The following HEMK2 variants were observed in gnomAD, a reference collection of about 807,000 sequenced individuals.
HEMK2 encodes the protein methyltransferase HEMK2.
the HEMK2 span, among the ~76,000 whole-genome samples, chr21:28,703,331 A>C: frequency 6.6e-6 from 1 of 151,070 alleles, no homozygotes; most frequent in Non-Finnish European, 1.5e-5. Context: ...TAAAAAAAAA[A>C]GGTGGGGGAA....
the HEMK2 span, among the ~76,000 whole-genome samples, chr21:28,631,989 A>G: frequency 6.6e-6 from 1 of 152,206 alleles, no homozygotes; most frequent in Non-Finnish European, 1.5e-5. Context: ...CAGTAAACAC[A>G]ATCAAGTGGA....
chr21:28,759,781 T>C, the HEMK2 span, among the ~76,000 whole-genome samples: 249 of 152,302 alleles, frequency 1.6e-3, 1 homozygote, highest in Admixed American at 0.014. Flanking sequence ...TTCTCTCTTG[T>C]CTGCCACCAT....
chr21:28,877,410 G>A, the HEMK2 span, among the ~76,000 whole-genome samples: 6 of 147,534 alleles, frequency 4.1e-5, no homozygotes, highest in Admixed American at 6.8e-5. Context: ...AGAAAAAAAA[G>A]AAGGAAGGAA....
chr21:28,779,634 G>C, the HEMK2 span, among the ~76,000 whole-genome samples: 1 of 152,070 alleles, frequency 6.6e-6, no homozygotes, highest in East Asian at 1.9e-4. Context: ...ACATATAATG[G>C]GTAAGTGAGA....
the HEMK2 span, among the ~76,000 whole-genome samples, chr21:28,845,686 A>C: frequency 3.4e-5 from 5 of 147,024 alleles, no homozygotes; most frequent in African/African-American, 1.3e-4. Flanking sequence ...TGTAAGTAGA[A>C]ATTTTTTTCT....
chr21:28,711,077 T>C, the HEMK2 span, among the ~76,000 whole-genome samples: 1 of 152,182 alleles, frequency 6.6e-6, no homozygotes, highest in East Asian at 1.9e-4. Flanking sequence ...ATCCTGATTT[T>C]TAATATGTTC....
At chr21:28,883,467 T>A in the HEMK2 span, among the ~76,000 whole-genome samples, 3 of 152,186 alleles carry the variant, frequency 2.0e-5, no homozygotes, top group Non-Finnish European at 2.9e-5. Context: ...TTACAAAATT[T>A]ATTTTTGAAA....
the HEMK2 span, among the ~76,000 whole-genome samples, chr21:28,751,156 G>A: frequency 0.094 from 14,204 of 151,212 alleles, 931 homozygotes; most frequent in East Asian, 0.3. Flanking sequence ...GTGTGAACCC[G>A]GGAGGCGGAG....
the HEMK2 span, among the ~76,000 whole-genome samples, chr21:28,799,286 G>T: frequency 6.6e-6 from 1 of 152,288 alleles, no homozygotes; most frequent in Non-Finnish European, 1.5e-5. Context: ...CAAGAGAAGA[G>T]AGCTTCTGCA....
At chr21:28,728,657 G>A in the HEMK2 span, among the ~76,000 whole-genome samples, 1 of 152,178 alleles carries the variant, frequency 6.6e-6, no homozygotes, top group South Asian at 2.1e-4. Context: ...ATTTTGGTGA[G>A]CCTAATGATT....
chr21:28,647,809 C>T, the HEMK2 span, among the ~76,000 whole-genome samples: 4 of 152,208 alleles, frequency 2.6e-5, no homozygotes, highest in South Asian at 2.1e-4. Flanking sequence ...CTCCTTTCCA[C>T]TCAGGCTTGG....
chr21:28,705,884 G>A, the HEMK2 span, among the ~76,000 whole-genome samples: 3 of 152,138 alleles, frequency 2.0e-5, no homozygotes, highest in African/African-American at 7.2e-5. Context: ...GCAATTCTCT[G>A]ACCATTCTGT....
chr21:28,757,552 T>C, the HEMK2 span, among the ~76,000 whole-genome samples: 1 of 152,208 alleles, frequency 6.6e-6, no homozygotes, highest in African/African-American at 2.4e-5. Context: ...GATGTGTTAG[T>C]TTTAAATTGT....
chr21:28,679,311 T>C, the HEMK2 span, among the ~76,000 whole-genome samples: 11 of 152,102 alleles, frequency 7.2e-5, no homozygotes, highest in African/African-American at 2.7e-4. Context: ...CATTACATAA[T>C]GGTAAAGGGA....
chr21:28,683,331 G>T, the HEMK2 span, among the ~76,000 whole-genome samples: 226 of 152,222 alleles, frequency 1.5e-3, no homozygotes, highest in African/African-American at 5.3e-3. Context: ...AGGTCAAAAA[G>T]CAAAATGTAT....
chr21:28,878,927 TTATA>T, the HEMK2 span, among the ~76,000 whole-genome samples: 1 of 148,098 alleles, frequency 6.8e-6, no homozygotes, highest in South Asian at 2.1e-4. Flanking sequence ...TTTATTATAT[TTATA>T]TATTATTAAA....
At chr21:28,734,452 T>A in the HEMK2 span, among the ~76,000 whole-genome samples, 4 of 152,350 alleles carry the variant, frequency 2.6e-5, no homozygotes, top group South Asian at 8.3e-4. Flanking sequence ...ATATTTATAA[T>A]GGTGAAAAGG....
the HEMK2 span, among the ~76,000 whole-genome samples, chr21:28,821,228 A>C: frequency 6.6e-6 from 1 of 152,008 alleles, no homozygotes; most frequent in Non-Finnish European, 1.5e-5. Context: ...ACACCTTCCA[A>C]AACCTATTCC....
the HEMK2 span, among the ~76,000 whole-genome samples, chr21:28,685,101 A>T: frequency 2.0e-5 from 3 of 152,108 alleles, no homozygotes; most frequent in African/African-American, 7.2e-5. Flanking sequence ...AAACCTACAA[A>T]AAACAGAAAT....
Sources: gnomAD v4.1 joint callset for allele counts (sites outside exome capture counted in the v4.1 genomes callset) on GRCh38, gnomAD v4.1.1 for gene constraint, MANE v1.5 for transcripts, NCBI Gene and HGNC (gene_info 2026-07-23, HGNC 2026-07-21) for gene names.